KDM5B: variants seen among roughly 807,000 people sequenced by gnomAD.
KDM5B encodes lysine demethylase 5B, also known as lysine-specific demethylase 5B.
KDM5B carries 144 observed loss-of-function variants against 193.4 expected under a neutral mutation model. That is an observed-to-expected ratio of 0.74 (90% confidence interval 0.65 to 0.86). The LOEUF (loss-of-function observed/expected upper bound fraction) is 0.86, where lower values mean the gene tolerates loss of function less well. Ranked by LOEUF, KDM5B falls within the 40% of genes least tolerant of loss-of-function variation. The pLI, the probability that KDM5B is intolerant of heterozygous loss-of-function variation, is 0.00. For synonymous variants in KDM5B, 668 were observed against 682.6 expected (o/e 0.98, Z 0.33); for missense variants, 1,833 against 1,886.9 (o/e 0.97, Z 0.53).
At position 202,762,783 on chromosome 1, in the gene KDM5B, C is replaced by T. The variant is rs2102276265; in HGVS notation, c.834G>A (p.Lys278=). The part of the protein sequence containing the change: ...ENEKEMKSSI[K]QEPIERKDYI... ...AATCTTTCCTCTCAATAGGTTCTTG[C>T]TTGATGCTACTCTTCATTTCTTTCT... The change falls in exon 7 of 27, where the codon AAG becomes AAA. Residue 278 remains lysine (K), a synonymous_variant. Transcript: ENST00000367265. The T allele has an allele frequency of 6.2e-7, 1 of 1,605,894 alleles. No homozygotes were observed. Among genetic ancestry groups the T allele is most frequent in the Middle Eastern group, 1.7e-4 (1 of 6,048 alleles).
chr1:202,751,386 T>C (rs1655783573), intron 12 of KDM5B, among the ~76,000 whole-genome samples: 1 of 152,136 alleles, frequency 6.6e-6, no homozygotes, highest in Admixed American at 6.5e-5. Flanking sequence ...TAGGAGCTTG[T>C]TGGAAATGCA....
At chr1:202,784,915 T>C (rs1657344058) in intron 1 of KDM5B, among the ~76,000 whole-genome samples, 1 of 151,368 alleles carries the variant, frequency 6.6e-6, no homozygotes, top group African/African-American at 2.4e-5. Context: ...ACACCTGTCA[T>C]CCTAGCTACT....
At chr1:202,745,532 T>C (rs1357174877) in intron 16 of KDM5B, among the ~76,000 whole-genome samples, 1 of 151,794 alleles carries the variant, frequency 6.6e-6, no homozygotes, top group Non-Finnish European at 1.5e-5. Context: ...GTTTTTGTTT[T>C]TTTAAAGATT....
At chr1:202,736,075 G>A in intron 21 of KDM5B, 138 bp downstream of exon 21, 1 of 569,470 alleles carries the variant, frequency 1.8e-6, no homozygotes. Context: ...AAAATTAGAA[G>A]AGTCTCCCTG....
intron 1 of KDM5B, chr1:202,807,371 C>T (rs1165253068): frequency 6.8e-6 from 1 of 146,758 alleles, no homozygotes; most frequent in Admixed American, 6.8e-5. Context: ...CCAAAAGTGT[C>T]CCCCAGACAC....
chr1:202,798,591 T>TG (rs1479420231), intron 1 of KDM5B, among the ~76,000 whole-genome samples: 1 of 152,064 alleles, frequency 6.6e-6, no homozygotes, highest in Non-Finnish European at 1.5e-5. Flanking sequence ...TAGCCAGGCA[T>TG]GGTGGTGTGT....
intron 20 of KDM5B, among the ~76,000 whole-genome samples, chr1:202,740,380 C>T (rs1655275829): frequency 7.5e-6 from 1 of 133,566 alleles, no homozygotes; most frequent in African/African-American, 2.6e-5. Context: ...ACCTCCCTCC[C>T]GGACAGGGCA....
At chr1:202,740,231 G>A (rs1262697240) in intron 20 of KDM5B, among the ~76,000 whole-genome samples, 77 of 147,216 alleles carry the variant, frequency 5.2e-4, no homozygotes, top group Non-Finnish European at 9.9e-4. Context: ...CGGGTTGGGG[G>A]CTGACCCTCC....
At chr1:202,757,076 A>G (rs1314413820) in intron 9 of KDM5B, among the ~76,000 whole-genome samples, 2 of 132,988 alleles carry the variant, frequency 1.5e-5, no homozygotes, top group Non-Finnish European at 3.3e-5. Flanking sequence ...GGGGAAGGGC[A>G]GGGCGCAAGG....
intron 6 of KDM5B, 91 bp downstream of exon 6, chr1:202,763,958 T>C: frequency 1.3e-6 from 1 of 768,690 alleles, no homozygotes; most frequent in Non-Finnish European, 2.1e-6. Context: ...TTTAATTTTT[T>C]TCTATTGAAT....
chr1:202,779,937 T>C (rs191460003), intron 1 of KDM5B, among the ~76,000 whole-genome samples: 23 of 152,204 alleles, frequency 1.5e-4, no homozygotes, highest in African/African-American at 1.9e-4. Context: ...TACAATAACA[T>C]TGAATATTAT....
intron 11 of KDM5B, among the ~76,000 whole-genome samples, chr1:202,754,345 C>A (rs986730614): frequency 3.9e-5 from 6 of 152,062 alleles, no homozygotes; most frequent in African/African-American, 1.4e-4. Context: ...TACAGATTTT[C>A]AAATATTTTT....
chr1:202,769,761 G>A (rs989149452), intron 4 of KDM5B, among the ~76,000 whole-genome samples: 27 of 146,670 alleles, frequency 1.8e-4, no homozygotes, highest in African/African-American at 5.8e-4. Flanking sequence ...GAAAAAATTT[G>A]TATAGAACAT....
At position 202,733,681 on chromosome 1, in the gene KDM5B, G is replaced by A. The variant is rs77206687; in HGVS notation, c.3629C>T (p.Ser1210Leu). 3.3e-5 allele frequency: 53 copies of A among 1,614,140 alleles called. 1 individual carries two copies. The East Asian group carries it at 1.0e-3, about 31-fold the overall frequency. The part of the protein sequence containing the change: ...HTSCVAVPSI[S>L]QGLRIWLCPH... ...ACAAAGCCAGATTCGCAGGCCCTGT[G>A]AAATACTGGGTACCGCCACACAACT... The change falls in exon 23 of 27, where the codon TCA becomes TTA. Residue 1210 changes from serine to leucine, a missense_variant. This residue lies in a region of KDM5B where 1,379 missense variants were observed against 1,349.6 expected (regional missense o/e 1.02). Coordinates refer to ENST00000367265, the MANE Select transcript of KDM5B (RefSeq NM_006618.5).
In KDM5B at chr1:202,808,234, G is replaced by T. The variant is rs374860432; in HGVS notation, c.72C>A (p.Gly24=). 1.4e-5 allele frequency: 23 copies of T among 1,611,850 alleles called. No individual in the cohort carries two copies. In the African/African-American group the frequency reaches 2.9e-4, roughly 21 times the overall value. Reference sequence around the variant, plus strand: ...GGCACTCGGGTGGAGGCAGGAACTCGCCCAGCGGGCCCGGGCCCCCGAGGG... The same window carrying T: ...GGCACTCGGGTGGAGGCAGGAACTCTCCCAGCGGGCCCGGGCCCCCGAGGG... ...ALPLGGPGPL[G]EFLPPPECPV... is the part of the protein sequence containing the mutation. The change falls in exon 1 of 27, where the codon GGC becomes GGA. Residue 24 remains glycine, a synonymous_variant. Transcript: ENST00000367265.
At chr1:202,758,760 A>G (rs1192440410) in intron 8 of KDM5B, 1 of 305,238 alleles carries the variant, frequency 3.3e-6, no homozygotes, top group Non-Finnish European at 6.1e-6. Context: ...ATAAATTTAT[A>G]TATTTATAAG....
At position 202,725,212 on chromosome 1, in the gene KDM5B, T is replaced by A. The variant is rs1654632724; in HGVS notation, c.*3824A>T. The A allele has an allele frequency of 5.9e-5, 9 of 152,202 alleles. No homozygotes were observed. Among genetic ancestry groups the A allele is most frequent in the Admixed American group, 5.9e-4 (9 of 15,284 alleles). The allele number at this position is 152,202 out of a possible 1,614,324, so 9.4% of individuals were successfully genotyped here. On this transcript the variant is annotated 3_prime_UTR_variant, in exon 27 of 27. Coordinates refer to ENST00000367265, the MANE Select transcript of KDM5B (RefSeq NM_006618.5). ...GTTTTAAATGTTCCATTTATACTGA[T>A]AAAAACGTAAGGTGTATTCCTATGT...
Position 202,777,054 on chromosome 1 carries a change from T to C in KDM5B, c.245A>G (p.His82Arg). 2 of 1,613,752 alleles carry C rather than the reference T, an allele frequency of 1.2e-6. No homozygotes were observed. The highest frequency in any genetic ancestry group is 1.1e-5 in the South Asian group (1 of 91,082). ...CAGTCTCTGGATACGTGGCGTAAAA[T>C]GAAGTTTATCAACATCACATGCAAA... ...PPFACDVDKL[H>R]FTPRIQRLNE... The change falls in exon 2 of 27, where the codon CAT becomes CGT. Residue 82 changes from histidine to arginine, a missense_variant. By Grantham distance (29) the His-to-Arg change is conservative. Transcript: ENST00000367265.
intron 25 of KDM5B, among the ~76,000 whole-genome samples, chr1:202,730,369 A>G (rs192496622): frequency 6.6e-6 from 1 of 152,286 alleles, no homozygotes; most frequent in African/African-American, 2.4e-5. Context: ...ACTAACTACT[A>G]TAATAGTTTC....
Sources: allele counts gnomAD v4.1 joint callset (sites outside exome capture counted in the v4.1 genomes callset), GRCh38; gene constraint gnomAD v4.1.1; regional missense constraint gnomAD v4.1.1; transcripts MANE v1.5; gene names NCBI Gene and HGNC (gene_info 2026-07-23, HGNC 2026-07-21).